The following GRIN2A variants were observed in gnomAD, a reference collection of about 807,000 sequenced individuals.
The protein encoded by GRIN2A is glutamate ionotropic receptor NMDA type subunit 2A, also known as glutamate receptor ionotropic, NMDA 2A.
GRIN2A carries 22 observed loss-of-function variants against 113.4 expected under a neutral mutation model. The observed-to-expected ratio is 0.19, with a 90% CI of 0.14 to 0.28. GRIN2A has a LOEUF of 0.28. Ranked by LOEUF, GRIN2A falls within the 10% of genes least tolerant of loss-of-function variation. The probability of loss-of-function intolerance (pLI) is 1.00; values close to 1 mark genes in which losing one functional copy is unlikely to be tolerated. For missense variants in GRIN2A, 1,502 were observed against 1,887.0 expected, an observed-to-expected ratio of 0.80 and a Z score of 3.78; for synonymous variants, 827 against 738.4, an observed-to-expected ratio of 1.12 and a Z score of -1.94.
intron 2 of GRIN2A, among the ~76,000 whole-genome samples, chr16:9,992,716 G>C (rs984874635): frequency 6.6e-6 from 1 of 152,144 alleles, no homozygotes; most frequent in Non-Finnish European, 1.5e-5. Context: ...GAGAAATCAA[G>C]GCAGCTGTGC....
intron 3 of GRIN2A, among the ~76,000 whole-genome samples, chr16:9,915,046 C>T (rs574438915): frequency 4.7e-4 from 70 of 149,312 alleles, no homozygotes; most frequent in African/African-American, 1.7e-3. Flanking sequence ...ACGCCATTCT[C>T]CTGCCTCAGC....
intron 2 of GRIN2A, among the ~76,000 whole-genome samples, chr16:10,129,454 T>C (rs2049017656): frequency 1.3e-5 from 2 of 152,176 alleles, no homozygotes; most frequent in Admixed American, 6.6e-5. Context: ...AATGGGCTAA[T>C]GGCTAGAGTG....
At chr16:9,853,218 T>C (rs931602263) in intron 4 of GRIN2A, among the ~76,000 whole-genome samples, 3 of 152,160 alleles carry the variant, frequency 2.0e-5, no homozygotes, top group Admixed American at 2.0e-4. Flanking sequence ...CAAAGCCTTG[T>C]AGGCTCTATT....
chr16:10,108,991 T>C (rs893178809), intron 2 of GRIN2A, among the ~76,000 whole-genome samples: 8 of 111,974 alleles, frequency 7.1e-5, no homozygotes, highest in Non-Finnish European at 1.2e-4. Flanking sequence ...AGAAAACTAA[T>C]GAAACCCAAA....
At chr16:9,767,430 T>C (rs1427985560) in intron 12 of GRIN2A, among the ~76,000 whole-genome samples, 1 of 151,602 alleles carries the variant, frequency 6.6e-6, no homozygotes, top group Admixed American at 6.6e-5. Context: ...ATACTTTAAG[T>C]TCTAGGGTAC....
At chr16:9,919,466 A>T (rs1261746520) in intron 3 of GRIN2A, among the ~76,000 whole-genome samples, 2 of 152,168 alleles carry the variant, frequency 1.3e-5, no homozygotes, top group African/African-American at 4.8e-5. Context: ...GATGCATGGG[A>T]TTATTCTGAT....
At chr16:9,811,884 G>T (rs1308303759) in intron 10 of GRIN2A, among the ~76,000 whole-genome samples, 1 of 152,158 alleles carries the variant, frequency 6.6e-6, no homozygotes, top group African/African-American at 2.4e-5. Flanking sequence ...CCTGTGGCTT[G>T]GCTCGAATAG....
rs1434325340 is a variant in GRIN2A, at chr16:10,026,416, C to T, written c.415-87865G>A. ...TTATTGTTACTAACAGCATTAGATGCATTTCCTTTCTCTGCATCTTGAAGG... is the reference window on the plus strand; with the variant it reads ...TTATTGTTACTAACAGCATTAGATGTATTTCCTTTCTCTGCATCTTGAAGG... On this transcript the variant is annotated intron_variant, in intron 2 of 12. Coordinates refer to ENST00000330684, the MANE Select transcript of GRIN2A (RefSeq NM_001134407.3). 3.3e-5 allele frequency among the ~76,000 whole-genome samples: 5 copies of T among 152,142 alleles called. No individual in the cohort carries two copies. The East Asian group carries it at 9.6e-4, about 29-fold the overall frequency.
chr16:10,137,852 C>G (rs944545207), intron 2 of GRIN2A, among the ~76,000 whole-genome samples: 3 of 152,168 alleles, frequency 2.0e-5, no homozygotes, highest in African/African-American at 7.2e-5. Flanking sequence ...ACTTTATCCT[C>G]AGAGCCTGGG....
At position 9,811,213 on chromosome 16, in the gene GRIN2A, C is replaced by G. The variant is rs982372068; in HGVS notation, c.2168+11051G>C. 2.0e-5 allele frequency among the ~76,000 whole-genome samples: 3 copies of G among 152,262 alleles called. No homozygotes were observed. The South Asian group carries it at 6.2e-4, about 32-fold the overall frequency. ...CGACCTTGTAACAGATAGGTACAAC[C>G]CTTGCCAGAGCTGTTCCCTTCTCAG... On this transcript the variant is annotated intron_variant, in intron 10 of 12. Coordinates refer to ENST00000330684, the MANE Select transcript of GRIN2A (RefSeq NM_001134407.3).
chr16:10,060,567 G>C (rs537639437), intron 2 of GRIN2A, among the ~76,000 whole-genome samples: 1 of 152,158 alleles, frequency 6.6e-6, no homozygotes, highest in African/African-American at 2.4e-5. Context: ...AATGCTAACT[G>C]CATGCTAAAA....
At chr16:10,146,496 C>T (rs538033507) in intron 2 of GRIN2A, among the ~76,000 whole-genome samples, 5 of 152,182 alleles carry the variant, frequency 3.3e-5, no homozygotes, top group African/African-American at 1.2e-4. Context: ...TAGCCTATTC[C>T]TCACCATCTT....
intron 2 of GRIN2A, among the ~76,000 whole-genome samples, chr16:10,137,614 C>T (rs938942406): frequency 3.9e-5 from 6 of 152,220 alleles, no homozygotes; most frequent in Admixed American, 1.3e-4. Flanking sequence ...TGCCTTCCTG[C>T]CCCAGCCCTG....
Position 9,756,095 on chromosome 16 carries a change from T to C in GRIN2A, c.*7054A>G, listed in dbSNP as rs1900339779. ...CTCTTTGAACATGGGTCACAATATT[T>C]AGGAGGACTTTAATGGAGGGTCACA... On this transcript the variant is annotated 3_prime_UTR_variant, in exon 13 of 13. Transcript: ENST00000330684. The C allele has an allele frequency of 4.4e-6, 1 of 226,076 alleles. No individual in the cohort carries two copies. The highest frequency in any genetic ancestry group is 1.8e-4 in the South Asian group (1 of 5,462). 14.0% of individuals were successfully genotyped at this position (226,076 alleles called of 1,614,324 possible). A position where few individuals can be genotyped will look rare whatever the true frequency, so the allele number is the denominator to read the frequency against.
Position 9,764,169 on chromosome 16 carries a change from C to T in GRIN2A, c.3375G>A (p.Glu1125=), listed in dbSNP as rs1177482891. ...DKIYTIDGEK[E]PGFHLDPPQF... is the part of the protein sequence containing the mutation. ...GGGGTGGATCTAAGTGGAAACCAGG[C>T]TCCTTCTCACCATCTATAGTGTAGA... Residue 1125 remains glutamate (E), a synonymous_variant, in exon 13 of 13, where the codon GAG becomes GAA. Transcript: ENST00000330684. 6.2e-7 allele frequency: 1 copy of T among 1,613,390 alleles called. No homozygotes were observed. The highest frequency in any genetic ancestry group is 8.5e-7 in the Non-Finnish European group (1 of 1,179,570).
intron 2 of GRIN2A, among the ~76,000 whole-genome samples, chr16:10,079,542 G>A (rs1014692750): frequency 3.3e-5 from 5 of 152,160 alleles, no homozygotes; most frequent in Non-Finnish European, 5.9e-5. Flanking sequence ...TGAGGGCCAA[G>A]CCCTCATAAA....
rs977944019 is a variant in GRIN2A, at chr16:9,968,315, C to T, written c.415-29764G>A. Reference sequence around the variant, plus strand: ...ATGTATGTATGTATGTATACATGTACGTATGTATGTATTTAGAGATGGAGT... The same window carrying T: ...ATGTATGTATGTATGTATACATGTATGTATGTATGTATTTAGAGATGGAGT... On this transcript the variant is annotated intron_variant, in intron 2 of 12. Coordinates refer to ENST00000330684, the MANE Select transcript of GRIN2A (RefSeq NM_001134407.3). Among the ~76,000 whole-genome samples the T allele has an allele frequency of 2.7e-5, 4 of 149,590 alleles. No homozygotes were observed. In the South Asian group the frequency reaches 8.6e-4, roughly 32 times the overall value.
intron 2 of GRIN2A, among the ~76,000 whole-genome samples, chr16:9,959,391 C>T (rs1368052979): frequency 6.6e-6 from 1 of 152,190 alleles, no homozygotes; most frequent in Middle Eastern, 3.2e-3. Context: ...CTGCATGTCT[C>T]CCCATAGGAG....
At chr16:9,768,737 G>T in intron 12 of GRIN2A, 114 bp downstream of exon 12, 1 of 802,474 alleles carries the variant, frequency 1.2e-6, no homozygotes, top group Non-Finnish European at 2.2e-6. Context: ...CTTGTGACAT[G>T]CCCAAGAAAG....
Sources: gnomAD v4.1 joint callset for allele counts (sites outside exome capture counted in the v4.1 genomes callset) on GRCh38, gnomAD v4.1.1 for gene constraint, MANE v1.5 for transcripts, NCBI Gene and HGNC (gene_info 2026-07-23, HGNC 2026-07-21) for gene names.